Variants in BNC2 observed in about 807,000 individuals in gnomAD.
BNC2 encodes the protein basonuclin zinc finger protein 2.
BNC2 carries 20 observed loss-of-function variants against 76.3 expected under a neutral mutation model. The ratio of observed to expected loss-of-function variants is 0.26; its 90% CI spans 0.18 to 0.38. The LOEUF (loss-of-function observed/expected upper bound fraction) is 0.38. Ranked by LOEUF, BNC2 falls within the 10% of genes least tolerant of loss-of-function variation. BNC2 has a pLI of 1.00. For synonymous variants in BNC2, 582 were observed against 514.8 expected (o/e 1.13, Z -1.77); for missense variants, 1,382 against 1,399.8 (o/e 0.99, Z 0.20).
chr9:16,436,564 GAGT>G lies in BNC2; in HGVS notation c.1627_1629del (p.Thr543del). ...TTTTGCAAGACAGGGTCTAGAGGGG[GAGT>G]GGTAAAACCCATTGGGGGTCGGCCA... On this transcript the variant is annotated inframe_deletion, in exon 6 of 7. Coordinates refer to ENST00000380672, the MANE Select transcript of BNC2 (RefSeq NM_017637.6). The G allele has an allele frequency of 6.2e-7, 1 of 1,614,096 alleles. No individual in the cohort carries two copies. The highest frequency in any genetic ancestry group is 8.5e-7 in the Non-Finnish European group (1 of 1,180,018).
Position 16,437,048 on chromosome 9 carries a change from G to C in BNC2, c.1146C>G (p.Pro382=). 6.2e-7 allele frequency: 1 copy of C among 1,614,058 alleles called. No homozygotes were observed. The highest frequency in any genetic ancestry group is 2.2e-5 in the East Asian group (1 of 44,858). Reference sequence around the variant, plus strand: ...TAATGCTGGTCAGGGCATTTCTATTGGGTGTTTGATCATTCTTATAAGGTG... The same window carrying C: ...TAATGCTGGTCAGGGCATTTCTATTCGGTGTTTGATCATTCTTATAAGGTG... ...SPTPYKNDQT[P]NRNALTSITN... Residue 382 remains proline (P), a synonymous_variant, in exon 6 of 7, where the codon CCC becomes CCG. Transcript: ENST00000380672.
At chr9:16,511,104 A>ATTT (rs1198864332) in intron 5 of BNC2, among the ~76,000 whole-genome samples, 1 of 113,602 alleles carries the variant, frequency 8.8e-6, no homozygotes. Flanking sequence ...CACTAAACTT[A>ATTT]CTTTTTTTTT....
chr9:16,480,915 G>A (rs1447996282), intron 5 of BNC2, among the ~76,000 whole-genome samples: 2 of 152,250 alleles, frequency 1.3e-5, no homozygotes. Context: ...GGGACTGGCA[G>A]GCAGCTCCAC....
At chr9:16,860,097 GGAC>G (rs1819360684) in intron 1 of BNC2, among the ~76,000 whole-genome samples, 1 of 151,876 alleles carries the variant, frequency 6.6e-6, no homozygotes, top group African/African-American at 2.4e-5. Flanking sequence ...ACTCCAGCAT[GGAC>G]GACAGAGTGA....
chr9:16,675,780 GC>G (rs748317119), intron 3 of BNC2, among the ~76,000 whole-genome samples: 6 of 152,100 alleles, frequency 3.9e-5, no homozygotes, highest in Non-Finnish European at 8.8e-5. Context: ...GTAATTTCCA[GC>G]TTTGGCCGGG....
At chr9:16,828,953 G>C (rs1818515470) in intron 1 of BNC2, among the ~76,000 whole-genome samples, 2 of 152,110 alleles carry the variant, frequency 1.3e-5, no homozygotes, top group Non-Finnish European at 2.9e-5. Flanking sequence ...CGACTCCAGA[G>C]GCTGGGGCGC....
At chr9:16,691,493 G>C (rs1823161642) in intron 3 of BNC2, among the ~76,000 whole-genome samples, 1 of 143,130 alleles carries the variant, frequency 7.0e-6, no homozygotes, top group Non-Finnish European at 1.5e-5. Context: ...ATCCACGGAT[G>C]GGTATGGGTT....
chr9:16,628,395 T>C (rs1431241058), intron 3 of BNC2, among the ~76,000 whole-genome samples: 1 of 152,146 alleles, frequency 6.6e-6, no homozygotes, highest in Non-Finnish European at 1.5e-5. Context: ...ACCTTAAGTT[T>C]TCAGAAAATG....
intron 3 of BNC2, among the ~76,000 whole-genome samples, chr9:16,692,631 A>G (rs1823207781): frequency 6.6e-6 from 1 of 152,170 alleles, no homozygotes; most frequent in South Asian, 2.1e-4. Flanking sequence ...ACCACGATGG[A>G]AGCCGCATAG....
At chr9:16,622,136 TG>T (rs1465779924) in intron 3 of BNC2, among the ~76,000 whole-genome samples, 1 of 152,174 alleles carries the variant, frequency 6.6e-6, no homozygotes, top group Non-Finnish European at 1.5e-5. Context: ...ATCAAGGAAA[TG>T]GATTCTAAAT....
At chr9:16,574,050 CATG>C (rs1819412787) in intron 4 of BNC2, among the ~76,000 whole-genome samples, 1 of 152,160 alleles carries the variant, frequency 6.6e-6, no homozygotes, top group Non-Finnish European at 1.5e-5. Flanking sequence ...AAAGGATCAA[CATG>C]ATATTGCTGA....
intron 2 of BNC2, among the ~76,000 whole-genome samples, chr9:16,728,689 C>G (rs957917795): frequency 1.5e-4 from 22 of 151,614 alleles, no homozygotes; most frequent in African/African-American, 5.1e-4. Context: ...AAATAACGTA[C>G]ATAGAGATGT....
chr9:16,839,577 C>G (rs112399055), intron 1 of BNC2, among the ~76,000 whole-genome samples: 1 of 152,194 alleles, frequency 6.6e-6, no homozygotes, highest in African/African-American at 2.4e-5. Flanking sequence ...GAACCCCATG[C>G]AAGTCTAAAG....
chr9:16,805,764 G>C (rs1291743653), intron 1 of BNC2, among the ~76,000 whole-genome samples: 1 of 151,924 alleles, frequency 6.6e-6, no homozygotes, highest in South Asian at 2.1e-4. Context: ...TCTGAATTCT[G>C]CTTTAGTAGG....
intron 5 of BNC2, among the ~76,000 whole-genome samples, chr9:16,534,308 G>C (rs951188997): frequency 6.6e-6 from 1 of 152,142 alleles, no homozygotes; most frequent in African/African-American, 2.4e-5. Flanking sequence ...TCACACAATA[G>C]TAATGCAGGA....
At chr9:16,827,319 T>C (rs760717585) in intron 1 of BNC2, among the ~76,000 whole-genome samples, 4 of 152,152 alleles carry the variant, frequency 2.6e-5, no homozygotes, top group African/African-American at 2.4e-5. Flanking sequence ...TCACATGTAA[T>C]TATGTGACCT....
intron 1 of BNC2, among the ~76,000 whole-genome samples, chr9:16,795,761 T>C (rs898220425): frequency 2.6e-5 from 4 of 152,122 alleles, no homozygotes; most frequent in Non-Finnish European, 4.4e-5. Context: ...ACTTTTACAG[T>C]AAAGAGATGA....
intron 3 of BNC2, among the ~76,000 whole-genome samples, chr9:16,651,085 A>G (rs1468184574): frequency 6.6e-6 from 1 of 152,196 alleles, no homozygotes. Flanking sequence ...TTAAGGATTA[A>G]TGAAAAAATA....
chr9:16,781,246 G>GATCTGGATTCAAGTCCTCATGTT (rs58363689), intron 1 of BNC2, among the ~76,000 whole-genome samples: 1 of 151,812 alleles, frequency 6.6e-6, no homozygotes, highest in Non-Finnish European at 1.5e-5. Flanking sequence ...AAGGTCTGAA[G>GATCTGGATTCAAGTCCTCATGTT]ATCAGGGCTG....
Sources: gnomAD v4.1 joint callset for allele counts (sites outside exome capture counted in the v4.1 genomes callset) on GRCh38, gnomAD v4.1.1 for gene constraint, MANE v1.5 for transcripts, NCBI Gene and HGNC (gene_info 2026-07-23, HGNC 2026-07-21) for gene names.